Variants in SEMA6D observed in about 807,000 individuals in gnomAD.
SEMA6D encodes semaphorin-6D.
SEMA6D carries 35 observed loss-of-function variants against 106.6 expected under a neutral mutation model. That is an observed-to-expected ratio of 0.33 (90% CI 0.25 to 0.44). SEMA6D has a LOEUF of 0.44. Among genes scored for constraint, SEMA6D ranks in the 20% least tolerant of loss-of-function variants. The probability of loss-of-function intolerance (pLI) is 1.00; values close to 1 mark genes in which losing one functional copy is unlikely to be tolerated. For synonymous variants in SEMA6D, 499 were observed against 487.7 expected (o/e 1.02, Z -0.31); for missense variants, 1,185 against 1,345.9 (o/e 0.88, Z 1.87).
At chr15:47,231,985 A>G (rs1401632498) in intron 1 of SEMA6D, among the ~76,000 whole-genome samples, 1 of 151,990 alleles carries the variant, frequency 6.6e-6, no homozygotes, top group African/African-American at 2.4e-5. Flanking sequence ...AATAACTCCC[A>G]TACCTGTGAG....
chr15:47,746,221 T>C (rs754880591), intron 1 of SEMA6D, among the ~76,000 whole-genome samples: 1 of 152,226 alleles, frequency 6.6e-6, no homozygotes, highest in Non-Finnish European at 1.5e-5. Context: ...CATCACCAAC[T>C]GTTTTAAAGC....
intron 1 of SEMA6D, among the ~76,000 whole-genome samples, chr15:47,739,033 C>A (rs2600867): frequency 0.95 from 144,804 of 152,216 alleles, 69,429 homozygotes; most frequent in African/African-American, 0.99. Context: ...GGGTTCCAAC[C>A]AGTGTCCAAG....
intron 4 of SEMA6D, among the ~76,000 whole-genome samples, chr15:47,668,265 A>G (rs955633064): frequency 3.9e-5 from 6 of 152,220 alleles, no homozygotes; most frequent in African/African-American, 1.4e-4. Flanking sequence ...ATGGCTTTCA[A>G]ATAACTTGGG....
intron 1 of SEMA6D, among the ~76,000 whole-genome samples, chr15:47,282,527 A>G (rs551804279): frequency 6.6e-6 from 1 of 152,274 alleles, no homozygotes; most frequent in South Asian, 2.1e-4. Context: ...AAACACTCTT[A>G]TAAGTGTATT....
At chr15:47,298,696 C>T (rs907051599) in intron 1 of SEMA6D, among the ~76,000 whole-genome samples, 2 of 152,060 alleles carry the variant, frequency 1.3e-5, no homozygotes, top group African/African-American at 4.8e-5. Context: ...GTGTATTAAG[C>T]CTCGGTCTCT....
chr15:47,184,340 A>AGCGCCTTCCGCCTGGGCCC (rs1893387272), exon 1 of SEMA6D: 1 of 152,324 alleles, frequency 6.6e-6, no homozygotes, highest in African/African-American at 2.4e-5. Context: ...GCGCTGCGCC[A>AGCGCCTTCCGCCTGGGCCC]GCGCCTTCCG....
Position 47,650,791 on chromosome 15 carries a change from T to C in SEMA6D, c.-55+49895T>C, listed in dbSNP as rs1013441612. The stretch of plus-strand genomic sequence containing the variant: ...TCCAGGGTGATATTGCTTTCTCTGC[T>C]GCATCTCAAGTCTGCTCAATTCATA... On this transcript the variant is annotated intron_variant, in intron 4 of 19. Coordinates refer to the SEMA6D transcript ENST00000558014. Among the ~76,000 whole-genome samples, 6 of 152,316 alleles carry C rather than the reference T, an allele frequency of 3.9e-5. No homozygotes were observed. The East Asian group carries it at 9.6e-4, about 24-fold the overall frequency.
chr15:47,543,567 A>T (rs1029633885), intron 3 of SEMA6D, among the ~76,000 whole-genome samples: 2 of 152,180 alleles, frequency 1.3e-5, no homozygotes, highest in African/African-American at 2.4e-5. Flanking sequence ...CTTTATTAGC[A>T]GCATGACAAC....
chr15:47,559,704 G>A (rs138235054), intron 3 of SEMA6D, among the ~76,000 whole-genome samples: 476 of 152,198 alleles, frequency 3.1e-3, no homozygotes, highest in Non-Finnish European at 4.9e-3. Flanking sequence ...GTGTGGATGT[G>A]CAGGAAAGAC....
At chr15:47,297,641 A>G (rs2035857614) in intron 1 of SEMA6D, among the ~76,000 whole-genome samples, 1 of 152,178 alleles carries the variant, frequency 6.6e-6, no homozygotes, top group African/African-American at 2.4e-5. Context: ...TCTCTCCGCA[A>G]ATAACTACGG....
intron 1 of SEMA6D, among the ~76,000 whole-genome samples, chr15:47,297,084 C>A (rs2035833225): frequency 6.6e-6 from 1 of 152,168 alleles, no homozygotes; most frequent in South Asian, 2.1e-4. Flanking sequence ...GGCACACAAA[C>A]CGCAGCCAGA....
At chr15:47,615,141 G>A (rs138406558) in intron 4 of SEMA6D, among the ~76,000 whole-genome samples, 30 of 151,834 alleles carry the variant, frequency 2.0e-4, no homozygotes, top group African/African-American at 6.5e-4. Flanking sequence ...TGTATGATTC[G>A]ACCAACCACA....
At position 47,220,300 on chromosome 15, in the gene SEMA6D, CT is replaced by C. The variant is rs1448167494; in HGVS notation, c.-239+35886del. 3.7e-4 allele frequency among the ~76,000 whole-genome samples: 56 copies of C among 152,290 alleles called. 1 individual carries two copies. Among genetic ancestry groups the C allele is most frequent in the East Asian group, 7.7e-4 (4 of 5,186 alleles). On this transcript the variant is annotated intron_variant, in intron 1 of 19. Coordinates refer to the SEMA6D transcript ENST00000558014. ...TGTTCTCTATCTCTTGCCAAAGTGA[CT>C]TTTAGTTCTTCATTAATCTGTGCCA...
At chr15:47,638,422 AATG>A (rs1365271429) in intron 4 of SEMA6D, among the ~76,000 whole-genome samples, 4 of 152,208 alleles carry the variant, frequency 2.6e-5, no homozygotes, top group African/African-American at 4.8e-5. Context: ...AGATTTTTAG[AATG>A]ATATCAGACT....
intron 1 of SEMA6D, among the ~76,000 whole-genome samples, chr15:47,309,670 A>G (rs575432463): frequency 7.2e-5 from 11 of 152,140 alleles, no homozygotes; most frequent in Admixed American, 2.6e-4. Context: ...AAGGGGAACT[A>G]CTGTACACCT....
chr15:47,737,491 C>T (rs1799492293), intron 1 of SEMA6D, among the ~76,000 whole-genome samples: 1 of 152,098 alleles, frequency 6.6e-6, no homozygotes, highest in South Asian at 2.1e-4. Context: ...CTGTTTCCTT[C>T]TAGTATTTGT....
At chr15:47,750,921 C>T (rs2081394701) in intron 1 of SEMA6D, among the ~76,000 whole-genome samples, 3 of 152,294 alleles carry the variant, frequency 2.0e-5, no homozygotes, top group South Asian at 2.1e-4. Flanking sequence ...ATGAAAAAGC[C>T]TCTGCTCCTT....
At chr15:47,619,025 G>A (rs2077054712) in intron 4 of SEMA6D, among the ~76,000 whole-genome samples, 1 of 152,210 alleles carries the variant, frequency 6.6e-6, no homozygotes, top group Non-Finnish European at 1.5e-5. Context: ...GTGAACTGGT[G>A]CACTTTTGGG....
chr15:47,671,535 CA>C (rs1839293400), intron 4 of SEMA6D, among the ~76,000 whole-genome samples: 1 of 151,998 alleles, frequency 6.6e-6, no homozygotes, highest in Admixed American at 6.6e-5. Flanking sequence ...CTGGCTGGAG[CA>C]CTGGATAATG....
Sources: allele counts gnomAD v4.1 joint callset (sites outside exome capture counted in the v4.1 genomes callset), GRCh38; gene constraint gnomAD v4.1.1; transcripts MANE v1.5; gene names NCBI Gene and HGNC (gene_info 2026-07-23, HGNC 2026-07-21).